Variants in WDFY3 observed in about 807,000 individuals in gnomAD.
WDFY3 encodes the protein WD repeat and FYVE domain-containing protein 3.
In WDFY3, 66 loss-of-function variants were observed where a neutral mutation model predicts 409.6. That is an observed-to-expected ratio of 0.16 (90% confidence interval 0.13 to 0.20). WDFY3 has a LOEUF of 0.20. Ranked by LOEUF, WDFY3 falls within the 10% of genes least tolerant of loss-of-function variation. The pLI is 1.00. For synonymous variants in WDFY3, 1,521 were observed against 1,537.1 expected, an observed-to-expected ratio of 0.99 and a Z score of 0.25; for missense variants, 3,031 against 4,298.1, an observed-to-expected ratio of 0.71 and a Z score of 8.24.
At chr4:84,890,281 G>T (rs1249324652) in intron 3 of WDFY3, among the ~76,000 whole-genome samples, 3 of 151,974 alleles carry the variant, frequency 2.0e-5, no homozygotes, top group Non-Finnish European at 4.4e-5. Context: ...TGTATTTTTT[G>T]TAGAGACAGA....
At chr4:84,945,801 G>A (rs1415674819) in intron 1 of WDFY3, among the ~76,000 whole-genome samples, 7 of 152,182 alleles carry the variant, frequency 4.6e-5, no homozygotes, top group African/African-American at 1.7e-4. Context: ...AAGAACTCTG[G>A]AATCTGTTGA....
At chr4:84,725,219 C>T (rs1735476473) in intron 45 of WDFY3, among the ~76,000 whole-genome samples, 1 of 152,192 alleles carries the variant, frequency 6.6e-6, no homozygotes, top group Non-Finnish European at 1.5e-5. Flanking sequence ...CTTGCCACTG[C>T]AAGCTGCTAT....
At chr4:84,963,076 G>A (rs915455983) in intron 1 of WDFY3, among the ~76,000 whole-genome samples, 9 of 146,942 alleles carry the variant, frequency 6.1e-5, no homozygotes, top group African/African-American at 2.0e-4. Context: ...ATTTTGACTC[G>A]ACATAAATAG....
At chr4:84,898,293 T>G (rs1765904220) in intron 2 of WDFY3, among the ~76,000 whole-genome samples, 1 of 152,206 alleles carries the variant, frequency 6.6e-6, no homozygotes, top group Non-Finnish European at 1.5e-5. Flanking sequence ...ATATTAAATT[T>G]GTAAACATAC....
At chr4:84,858,038 T>C (rs902863242) in intron 4 of WDFY3, among the ~76,000 whole-genome samples, 8 of 152,206 alleles carry the variant, frequency 5.3e-5, no homozygotes, top group East Asian at 1.9e-4. Context: ...AATTCTTTTA[T>C]TGCCCCCTTT....
chr4:84,804,543 C>T (rs1751194598), intron 15 of WDFY3, among the ~76,000 whole-genome samples: 1 of 152,180 alleles, frequency 6.6e-6, no homozygotes, highest in Admixed American at 6.5e-5. Context: ...GCAGCATGTC[C>T]TTTACCCATT....
At chr4:84,779,076 TTAA>T (rs1306946986) in intron 26 of WDFY3, among the ~76,000 whole-genome samples, 4 of 152,174 alleles carry the variant, frequency 2.6e-5, no homozygotes, top group African/African-American at 7.2e-5. Flanking sequence ...CAACACGGTC[TTAA>T]TAATTACAAT....
intron 36 of WDFY3, among the ~76,000 whole-genome samples, chr4:84,745,326 T>A (rs1054268772): frequency 6.6e-6 from 1 of 152,210 alleles, no homozygotes; most frequent in African/African-American, 2.4e-5. Flanking sequence ...ATGTTTTAGA[T>A]TCAGGCACAG....
chr4:84,831,383 G>T (rs903797921), intron 8 of WDFY3, 30 bp downstream of exon 8: 1 of 1,390,292 alleles, frequency 7.2e-7, no homozygotes. Context: ...AAGAAATTTA[G>T]AACACTTAAA....
intron 53 of WDFY3, among the ~76,000 whole-genome samples, chr4:84,706,298 A>G (rs183535003): frequency 1.2e-4 from 19 of 152,324 alleles, no homozygotes; most frequent in Admixed American, 1.2e-3. Context: ...ACTGATCTAC[A>G]TTTATGAATG....
At chr4:84,891,944 A>G (rs892731897) in intron 3 of WDFY3, among the ~76,000 whole-genome samples, 3 of 152,130 alleles carry the variant, frequency 2.0e-5, no homozygotes, top group African/African-American at 7.2e-5. Flanking sequence ...TAGTAGAACT[A>G]ATCCTTCTTG....
chr4:84,944,284 G>T (rs140183060), intron 1 of WDFY3, among the ~76,000 whole-genome samples: 2,099 of 151,386 alleles, frequency 0.014, 118 homozygotes, highest in Admixed American at 0.097. Context: ...CAGAACTCTG[G>T]GAGGCTGAGG....
At chr4:84,832,765 C>T (rs904805725) in intron 7 of WDFY3, among the ~76,000 whole-genome samples, 15 of 151,964 alleles carry the variant, frequency 9.9e-5, no homozygotes, top group Non-Finnish European at 2.9e-5. Context: ...CTCTCTTCAC[C>T]CTAATATTTT....
At chr4:84,747,775 T>C (rs2149271760) in intron 36 of WDFY3, among the ~76,000 whole-genome samples, 1 of 152,294 alleles carries the variant, frequency 6.6e-6, no homozygotes, top group East Asian at 1.9e-4. Flanking sequence ...TGCCACCATG[T>C]GAAGATGGAT....
rs978075409 is a variant in WDFY3, at chr4:84,817,665, T to A, written c.1694-80A>T. ...AGTCAGATGAATTAACATTCAGTTA[T>A]TTTTTGTAGGTAAAGTAACTCATAA... On this transcript the variant is annotated intron_variant, in intron 12 of 67. Coordinates refer to ENST00000295888, the MANE Select transcript of WDFY3 (RefSeq NM_014991.6). 16 of 1,280,750 alleles carry A rather than the reference T, an allele frequency of 1.2e-5. 1 individual carries two copies. The East Asian group carries it at 3.9e-4, about 31-fold the overall frequency. The allele number at this position is 1,280,750 out of a possible 1,614,324, so 79.3% of individuals were successfully genotyped here.
chr4:84,853,598 A>T (rs762031124), intron 4 of WDFY3, among the ~76,000 whole-genome samples: 23 of 152,228 alleles, frequency 1.5e-4, no homozygotes, highest in Admixed American at 7.9e-4. Flanking sequence ...GGACAACTAA[A>T]CAGAACCAAT....
intron 13 of WDFY3, among the ~76,000 whole-genome samples, chr4:84,817,025 T>C (rs1369388685): frequency 6.6e-6 from 1 of 152,182 alleles, no homozygotes; most frequent in South Asian, 2.1e-4. Context: ...CATATATGCA[T>C]GCATGTGTAT....
At chr4:84,694,755 ACTCTAT>A (rs1411057293) in intron 58 of WDFY3, among the ~76,000 whole-genome samples, 2 of 152,110 alleles carry the variant, frequency 1.3e-5, no homozygotes, top group Non-Finnish European at 2.9e-5. Context: ...ACATAGTGAG[ACTCTAT>A]CTCTATAAAA....
intron 2 of WDFY3, among the ~76,000 whole-genome samples, chr4:84,915,339 A>G (rs1409210469): frequency 1.3e-5 from 2 of 152,200 alleles, no homozygotes; most frequent in Non-Finnish European, 2.9e-5. Flanking sequence ...TAGGTAGTGT[A>G]TATTCCACAA....
Sources: allele counts gnomAD v4.1 joint callset (sites outside exome capture counted in the v4.1 genomes callset), GRCh38; gene constraint gnomAD v4.1.1; transcripts MANE v1.5; gene names NCBI Gene and HGNC (gene_info 2026-07-23, HGNC 2026-07-21).